The following PTPRK variants were observed in gnomAD, a reference collection of about 807,000 sequenced individuals.
The protein encoded by PTPRK is protein tyrosine phosphatase receptor type K.
A neutral mutation model predicts 178.0 loss-of-function variants in PTPRK; 75 were observed. That is an observed-to-expected ratio of 0.42 (90% CI 0.35 to 0.51). The LOEUF (loss-of-function observed/expected upper bound fraction) is 0.51. Among genes scored for constraint, PTPRK ranks in the 20% least tolerant of loss-of-function variants. PTPRK has a pLI of 0.02. For missense variants in PTPRK, 1,441 were observed against 1,797.8 expected (o/e 0.80, Z 3.59); for synonymous variants, 637 against 620.6 (o/e 1.03, Z -0.39).
At chr6:128,218,359 G>A (rs2128271325) in intron 6 of PTPRK, among the ~76,000 whole-genome samples, 1 of 152,266 alleles carries the variant, frequency 6.6e-6, no homozygotes, top group South Asian at 2.1e-4. Context: ...CTACAAATAT[G>A]TACTGATATG....
At chr6:128,073,062 AC>A (rs537695182) in intron 11 of PTPRK, among the ~76,000 whole-genome samples, 15 of 152,246 alleles carry the variant, frequency 9.9e-5, no homozygotes, top group Admixed American at 9.8e-4. Flanking sequence ...ATGGTACATT[AC>A]AAATATGATT....
chr6:128,014,700 T>A (rs1031450334), intron 13 of PTPRK, among the ~76,000 whole-genome samples: 1 of 151,620 alleles, frequency 6.6e-6, no homozygotes, highest in Non-Finnish European at 1.5e-5. Flanking sequence ...GCCTATTATA[T>A]AAATATACAA....
intron 8 of PTPRK, 117 bp downstream of exon 8, chr6:128,089,573 C>T: frequency 1.8e-6 from 2 of 1,124,106 alleles, no homozygotes; most frequent in South Asian, 1.5e-5. Flanking sequence ...TCATTAATAA[C>T]ATTTAGATGA....
intron 13 of PTPRK, among the ~76,000 whole-genome samples, chr6:128,048,440 T>G (rs1016307465): frequency 2.6e-5 from 4 of 152,190 alleles, no homozygotes; most frequent in Admixed American, 6.5e-5. Context: ...TCCCTCTGCC[T>G]CTAATGCTCC....
intron 29 of PTPRK, among the ~76,000 whole-genome samples, chr6:127,971,730 A>T (rs573555547): frequency 2.6e-5 from 4 of 151,916 alleles, no homozygotes; most frequent in African/African-American, 4.8e-5. Flanking sequence ...TTTTTTTTTT[A>T]ATTAAAAAAG....
intron 7 of PTPRK, among the ~76,000 whole-genome samples, chr6:128,181,505 T>A (rs1801900646): frequency 6.6e-6 from 1 of 152,098 alleles, no homozygotes; most frequent in Non-Finnish European, 1.5e-5. Context: ...AATCTAGTAT[T>A]CAGTTCCTCT....
chr6:128,261,870 C>T (rs7772941), intron 3 of PTPRK, among the ~76,000 whole-genome samples: 14,312 of 151,994 alleles, frequency 0.094, 1,688 homozygotes, highest in African/African-American at 0.28. Context: ...ATATAAGACA[C>T]AAATTCCACA....
rs373028437 is a variant in PTPRK, at chr6:127,981,901, C to T, written c.3538-612G>A. On this transcript the variant is annotated intron_variant, in intron 24 of 29. Coordinates refer to ENST00000368226, the MANE Select transcript of PTPRK (RefSeq NM_002844.4). ...GGAGTGCAGTGGCAATATCTTGGCT[C>T]ACCACAGCCTTCCAGGGTTAAGCAA... 3.9e-5 allele frequency among the ~76,000 whole-genome samples: 6 copies of T among 152,248 alleles called. No individual in the cohort carries two copies. In the East Asian group the frequency reaches 1.2e-3, roughly 29 times the overall value.
chr6:128,088,419 T>C (rs2115020420), intron 8 of PTPRK, among the ~76,000 whole-genome samples: 1 of 151,658 alleles, frequency 6.6e-6, no homozygotes, highest in East Asian at 1.9e-4. Flanking sequence ...AGCCCTACTG[T>C]CAAGCTACTT....
At chr6:128,368,203 A>T (rs1339834428) in intron 2 of PTPRK, among the ~76,000 whole-genome samples, 1 of 152,086 alleles carries the variant, frequency 6.6e-6, no homozygotes, top group Non-Finnish European at 1.5e-5. Context: ...GACTAAATTT[A>T]ATGAATAAAT....
Position 127,969,632 on chromosome 6 carries a change from T to G in PTPRK, c.*595A>C, listed in dbSNP as rs977517505. 1 of 152,172 alleles carries G rather than the reference T, an allele frequency of 6.6e-6. No individual in the cohort carries two copies. Among genetic ancestry groups the G allele is most frequent in the Non-Finnish European group, 1.5e-5 (1 of 68,024 alleles). 9.4% of individuals were successfully genotyped at this position (152,172 alleles called of 1,614,324 possible). ...ATAAATATAATGTGCTTTCTCCATA[T>G]AGACATATTTACACTTGAGTCTTTG... is the stretch of plus-strand genomic sequence containing the variant. On this transcript the variant is annotated 3_prime_UTR_variant, in exon 30 of 30. Coordinates refer to ENST00000368226, the MANE Select transcript of PTPRK (RefSeq NM_002844.4).
At position 128,439,370 on chromosome 6, in the gene PTPRK, T is replaced by C. The variant is rs140286550; in HGVS notation, c.101-41682A>G. ...CCAGTCAAGAACAGAGTCTGGCCAA[T>C]ATATTTTTTAATAAAATAATTCATT... On this transcript the variant is annotated intron_variant, in intron 1 of 29. Coordinates refer to ENST00000368226, the MANE Select transcript of PTPRK (RefSeq NM_002844.4). Among the ~76,000 whole-genome samples the C allele has an allele frequency of 2.6e-3, 400 of 152,288 alleles. 3 individuals carry two copies. The highest frequency in any genetic ancestry group is 9.3e-3 in the African/African-American group (388 of 41,564).
At chr6:128,055,261 A>G (rs1208420850) in intron 13 of PTPRK, among the ~76,000 whole-genome samples, 1 of 152,214 alleles carries the variant, frequency 6.6e-6, no homozygotes, top group Non-Finnish European at 1.5e-5. Flanking sequence ...AAAGGACTCA[A>G]AGAATAAGAA....
At chr6:128,492,106 T>C (rs1279552843) in intron 1 of PTPRK, among the ~76,000 whole-genome samples, 1 of 152,150 alleles carries the variant, frequency 6.6e-6, no homozygotes, top group Admixed American at 6.5e-5. Context: ...CATGATCTAG[T>C]CCCAACAAAT....
chr6:128,460,657 G>A (rs1293792275), intron 1 of PTPRK, among the ~76,000 whole-genome samples: 1 of 152,196 alleles, frequency 6.6e-6, no homozygotes, highest in Non-Finnish European at 1.5e-5. Flanking sequence ...CACAAGTCAA[G>A]TGTCTAGAAA....
intron 7 of PTPRK, among the ~76,000 whole-genome samples, chr6:128,139,033 G>A (rs903611049): frequency 6.6e-6 from 1 of 152,072 alleles, no homozygotes; most frequent in Non-Finnish European, 1.5e-5. Flanking sequence ...CAGAGTAGGG[G>A]AGAATAATGT....
chr6:128,087,936 T>C (rs1323493854), intron 8 of PTPRK, among the ~76,000 whole-genome samples: 1 of 152,154 alleles, frequency 6.6e-6, no homozygotes, highest in Non-Finnish European at 1.5e-5. Context: ...ATTATAAGTA[T>C]TTGTAAAAAC....
chr6:128,401,987 A>G (rs1480290497), intron 1 of PTPRK, among the ~76,000 whole-genome samples: 1 of 152,212 alleles, frequency 6.6e-6, no homozygotes, highest in Non-Finnish European at 1.5e-5. Flanking sequence ...ACAGAGAAAG[A>G]TTAATACATG....
At position 128,081,528 on chromosome 6, in the gene PTPRK, T is replaced by G. The variant is rs377374827; in HGVS notation, c.1777+909A>C. On this transcript the variant is annotated intron_variant, in intron 10 of 29. Coordinates refer to ENST00000368226, the MANE Select transcript of PTPRK (RefSeq NM_002844.4). Reference sequence around the variant, plus strand: ...TAGATTAAAAAAATGAAAGACATATTTTATGGGTATTAATGATGTATCATT... The same window carrying G: ...TAGATTAAAAAAATGAAAGACATATGTTATGGGTATTAATGATGTATCATT... Among the ~76,000 whole-genome samples, 14 of 152,100 alleles carry G rather than the reference T, an allele frequency of 9.2e-5. No individual in the cohort carries two copies. The East Asian group carries it at 1.2e-3, about 13-fold the overall frequency.
Sources: allele counts gnomAD v4.1 joint callset (sites outside exome capture counted in the v4.1 genomes callset), GRCh38; gene constraint gnomAD v4.1.1; transcripts MANE v1.5; gene names NCBI Gene and HGNC (gene_info 2026-07-23, HGNC 2026-07-21).